Variants in CSTPP1 observed in about 807,000 individuals in gnomAD.
The protein encoded by CSTPP1 is centriolar satellite-associated tubulin polyglutamylase complex regulator 1.
the CSTPP1 span, among the ~76,000 whole-genome samples, chr11:47,093,044 T>G: frequency 6.6e-6 from 1 of 152,212 alleles, no homozygotes; most frequent in Non-Finnish European, 1.5e-5. Flanking sequence ...AAAGGTGATT[T>G]AGAGGATGCC....
chr11:47,109,502 C>A, the CSTPP1 span, among the ~76,000 whole-genome samples: 1 of 152,216 alleles, frequency 6.6e-6, no homozygotes, highest in Non-Finnish European at 1.5e-5. Flanking sequence ...TCCTCATTTG[C>A]GGGTCAGATG....
chr11:47,057,794 G>A, the CSTPP1 span, among the ~76,000 whole-genome samples: 3 of 152,152 alleles, frequency 2.0e-5, no homozygotes, highest in Non-Finnish European at 4.4e-5. Flanking sequence ...AAAACAGTGG[G>A]CCAAACAATT....
At chr11:47,082,021 G>A in the CSTPP1 span, among the ~76,000 whole-genome samples, 1 of 146,780 alleles carries the variant, frequency 6.8e-6, no homozygotes, top group East Asian at 2.0e-4. Context: ...TTTGCCATTC[G>A]TAGCAATAGT....
chr11:47,118,872 C>A, the CSTPP1 span, among the ~76,000 whole-genome samples: 2 of 152,208 alleles, frequency 1.3e-5, no homozygotes, highest in South Asian at 4.1e-4. Context: ...TGTCTGTCGG[C>A]CCCTACTGGG....
chr11:47,068,593 T>A, the CSTPP1 span, among the ~76,000 whole-genome samples: 1 of 152,116 alleles, frequency 6.6e-6, no homozygotes, highest in Non-Finnish European at 1.5e-5. Flanking sequence ...TACACAATAT[T>A]TTTGGCTGCC....
the CSTPP1 span, chr11:47,164,006 G>T: frequency 6.8e-7 from 1 of 1,464,340 alleles, no homozygotes; most frequent in Non-Finnish European, 9.2e-7. Flanking sequence ...CCGTGACAAG[G>T]GGCAGGACTG....
the CSTPP1 span, among the ~76,000 whole-genome samples, chr11:47,152,320 A>G: frequency 6.6e-6 from 1 of 151,466 alleles, no homozygotes; most frequent in Non-Finnish European, 1.5e-5. Context: ...GGACACTCCT[A>G]CCCTCCCACG....
At chr11:47,061,307 T>C in the CSTPP1 span, among the ~76,000 whole-genome samples, 78,031 of 152,098 alleles carry the variant, frequency 0.51, 23,665 homozygotes, top group Non-Finnish European at 0.68. Flanking sequence ...AATCAGGGAA[T>C]TGCAGTGGGT....
the CSTPP1 span, among the ~76,000 whole-genome samples, chr11:47,083,406 G>A: frequency 6.6e-6 from 1 of 152,166 alleles, no homozygotes; most frequent in Non-Finnish European, 1.5e-5. Context: ...TAATGCTGCT[G>A]TGGATGTTTG....
At chr11:47,020,868 G>A in the CSTPP1 span, among the ~76,000 whole-genome samples, 1 of 152,184 alleles carries the variant, frequency 6.6e-6, no homozygotes, top group African/African-American at 2.4e-5. Context: ...TCTCTGCATA[G>A]GAGGAGATAT....
chr11:46,944,209 T>C, the CSTPP1 span, among the ~76,000 whole-genome samples: 1 of 149,590 alleles, frequency 6.7e-6, no homozygotes, highest in Non-Finnish European at 1.5e-5. Flanking sequence ...TCCCAGCTAC[T>C]CAGGAGGTTG....
the CSTPP1 span, among the ~76,000 whole-genome samples, chr11:47,079,373 G>T: frequency 6.6e-6 from 1 of 152,176 alleles, no homozygotes; most frequent in Non-Finnish European, 1.5e-5. Flanking sequence ...AATAGATAAA[G>T]CATTTCTGAT....
chr11:46,941,330 A>G, the CSTPP1 span, among the ~76,000 whole-genome samples: 1 of 150,482 alleles, frequency 6.6e-6, no homozygotes, highest in African/African-American at 2.4e-5. Flanking sequence ...TGACCTATTC[A>G]CCCTCAATTT....
the CSTPP1 span, among the ~76,000 whole-genome samples, chr11:47,130,279 A>C: frequency 6.6e-6 from 1 of 151,872 alleles, no homozygotes; most frequent in Non-Finnish European, 1.5e-5. Flanking sequence ...CCAAAAAAAA[A>C]CTAAAGGGGC....
the CSTPP1 span, among the ~76,000 whole-genome samples, chr11:46,996,725 AGT>A: frequency 6.6e-6 from 1 of 152,106 alleles, no homozygotes; most frequent in Non-Finnish European, 1.5e-5. Context: ...TTCCACGTTT[AGT>A]GCTTCCTTCA....
At chr11:46,975,276 C>CA in the CSTPP1 span, among the ~76,000 whole-genome samples, 1 of 151,808 alleles carries the variant, frequency 6.6e-6, no homozygotes, top group African/African-American at 2.4e-5. Flanking sequence ...GACCCTCTCT[C>CA]AAAAAAATTT....
At chr11:47,028,584 A>G in the CSTPP1 span, among the ~76,000 whole-genome samples, 1 of 152,234 alleles carries the variant, frequency 6.6e-6, no homozygotes, top group Non-Finnish European at 1.5e-5. Context: ...ATAAGAAAGA[A>G]GCTGGTGTGT....
the CSTPP1 span, among the ~76,000 whole-genome samples, chr11:47,154,204 T>C: frequency 2.6e-5 from 4 of 152,178 alleles, no homozygotes; most frequent in East Asian, 7.7e-4. Flanking sequence ...CCCAAAGTGC[T>C]GGGATTACAG....
At chr11:47,157,366 AC>A in the CSTPP1 span, 2 of 924,448 alleles carry the variant, frequency 2.2e-6, no homozygotes, top group Non-Finnish European at 3.1e-6. Flanking sequence ...TTGCCCCCAA[AC>A]CAGTTGTTGA....
Sources: gnomAD v4.1 joint callset for allele counts (sites outside exome capture counted in the v4.1 genomes callset) on GRCh38, gnomAD v4.1.1 for gene constraint, MANE v1.5 for transcripts, NCBI Gene and HGNC (gene_info 2026-07-23, HGNC 2026-07-21) for gene names.